Variants in SUZ12 observed in about 807,000 individuals in gnomAD.
The protein encoded by SUZ12 is polycomb protein SUZ12.
SUZ12 carries 17 observed loss-of-function variants against 87.3 expected under a neutral mutation model. The observed-to-expected ratio is 0.19, with a 90% confidence interval of 0.13 to 0.29. The LOEUF (loss-of-function observed/expected upper bound fraction) is 0.29. Ranked by LOEUF, SUZ12 falls within the 10% of genes least tolerant of loss-of-function variation. SUZ12 has a pLI of 1.00. For missense variants in SUZ12, 526 were observed against 912.2 expected, an observed-to-expected ratio of 0.58 and a Z score of 5.45; for synonymous variants, 253 against 312.4, an observed-to-expected ratio of 0.81 and a Z score of 2.01.
At chr17:31,960,351 C>T (rs968036538) in intron 4 of SUZ12, among the ~76,000 whole-genome samples, 10 of 152,080 alleles carry the variant, frequency 6.6e-5, no homozygotes, top group African/African-American at 2.2e-4. Context: ...GCTGGGATTA[C>T]AGGTGCCTGC....
intron 4 of SUZ12, among the ~76,000 whole-genome samples, chr17:31,954,009 G>T (rs188794774): frequency 2.6e-5 from 4 of 152,082 alleles, no homozygotes; most frequent in Middle Eastern, 3.4e-3. Context: ...ACCGAGCCCG[G>T]CTCATTTTTA....
At chr17:31,973,320 T>G (rs2470247) in intron 6 of SUZ12, 89 bp downstream of exon 6, 89,659 of 1,218,610 alleles carry the variant, frequency 0.074, 4,345 homozygotes, top group South Asian at 0.11. Context: ...TTTTAAAGCT[T>G]AGTTTTAAAT....
intron 4 of SUZ12, among the ~76,000 whole-genome samples, chr17:31,963,509 G>T (rs796432283): frequency 0.12 from 14,661 of 123,246 alleles, no homozygotes; most frequent in South Asian, 0.21. Flanking sequence ...GTTTTGTTTT[G>T]TTTTTTGAGA....
intron 9 of SUZ12, among the ~76,000 whole-genome samples, chr17:31,984,246 A>G (rs1909283977): frequency 6.6e-6 from 1 of 152,238 alleles, no homozygotes; most frequent in African/African-American, 2.4e-5. Context: ...AAATAGTTTG[A>G]TGTATATTTG....
rs759614726 is a variant in SUZ12, at chr17:31,940,405, T to A, written c.322-17T>A. ...CATCTGTATTCAATTTTAACATTTTTAAAACTCTTTTTGTAGCCAATATTT... is the reference window on the plus strand; with the variant it reads ...CATCTGTATTCAATTTTAACATTTTAAAAACTCTTTTTGTAGCCAATATTT... On this transcript the variant is annotated splice_polypyrimidine_tract_variant and intron_variant, in intron 2 of 15. Transcript: ENST00000322652. The A allele has an allele frequency of 1.9e-6, 3 of 1,587,492 alleles. No homozygotes were observed. The highest frequency in any genetic ancestry group is 2.6e-6 in the Non-Finnish European group (3 of 1,168,916).
chr17:31,937,057 G>C lies in SUZ12; in HGVS notation c.-190G>C, dbSNP rs1389380247. The C allele has an allele frequency of 4.1e-6, 2 of 488,988 alleles. No homozygotes were observed. The highest frequency in any genetic ancestry group is 3.4e-6 in the Non-Finnish European group (1 of 294,326). 30.3% of individuals were successfully genotyped at this position (488,988 alleles called of 1,614,324 possible). ...GGCCTCCGAAGCGGAGCGGGGCTCT[G>C]AGGAGACACTTTTTTTTTCCTCCCT... On this transcript the variant is annotated 5_prime_UTR_variant, in exon 1 of 16. Coordinates refer to ENST00000322652, the MANE Select transcript of SUZ12 (RefSeq NM_015355.4).
chr17:32,000,551 G>GTAAC lies in SUZ12; in HGVS notation c.*1551_*1552insCTAA, dbSNP rs1910204128. On this transcript the variant is annotated 3_prime_UTR_variant, in exon 16 of 16. Transcript: ENST00000322652. ...TAAGCTCTCCAAATGATGAGTTCTA[G>GTAAC]TAAACTCTGATTTTTGCCTCTGGAT... 1 of 228,548 alleles carries GTAAC rather than the reference G, an allele frequency of 4.4e-6. No homozygotes were observed. The highest frequency in any genetic ancestry group is 1.8e-4 in the South Asian group (1 of 5,472). 14.2% of individuals were successfully genotyped at this position (228,548 alleles called of 1,614,324 possible). A position where few individuals can be genotyped will look rare whatever the true frequency, so the allele number is the denominator to read the frequency against.
At position 31,993,907 on chromosome 17, in the gene SUZ12, G is replaced by T; in HGVS notation, c.1336G>T (p.Asp446Tyr). ...TACAAGGCAACAAACTGAAGCAAGA[G>T]ATGACCTGCATTGCCCTTGGTGTAC... ...NNTRQQTEAR[D>Y]DLHCPWCTLN... Residue 446 changes from aspartate (D) to tyrosine (Y), a missense_variant, in exon 12 of 16, where the codon GAT becomes TAT. Asp to Tyr is a radical substitution (Grantham distance 160). Transcript: ENST00000322652. 6.2e-7 allele frequency: 1 copy of T among 1,613,276 alleles called. No individual in the cohort carries two copies. Among genetic ancestry groups the T allele is most frequent in the South Asian group, 1.1e-5 (1 of 90,918 alleles).
chr17:31,943,986 G>A (rs900215535), intron 3 of SUZ12, among the ~76,000 whole-genome samples: 1 of 151,582 alleles, frequency 6.6e-6, no homozygotes, highest in Admixed American at 6.6e-5. Context: ...GTGAGCCACC[G>A]TGCCTGGCCA....
chr17:31,938,544 A>G (rs575608648), intron 1 of SUZ12, among the ~76,000 whole-genome samples: 1 of 152,314 alleles, frequency 6.6e-6, no homozygotes, highest in South Asian at 2.1e-4. Context: ...TTGGAACTTA[A>G]TAGAAGGAAT....
chr17:31,953,098 T>A (rs747798216), intron 4 of SUZ12, among the ~76,000 whole-genome samples: 1 of 152,150 alleles, frequency 6.6e-6, no homozygotes, highest in Non-Finnish European at 1.5e-5. Flanking sequence ...ATTAGGGTTA[T>A]TTTCAAGCAT....
intron 15 of SUZ12, among the ~76,000 whole-genome samples, chr17:31,997,411 C>G (rs548248683): frequency 6.6e-6 from 1 of 152,192 alleles, no homozygotes; most frequent in South Asian, 2.1e-4. Context: ...GCCTGTAATC[C>G]CAGTACTTTG....
At chr17:31,941,940 C>T (rs549617482) in intron 3 of SUZ12, among the ~76,000 whole-genome samples, 1 of 152,202 alleles carries the variant, frequency 6.6e-6, no homozygotes, top group African/African-American at 2.4e-5. Flanking sequence ...GCAACCTCCG[C>T]TTCCCGGGTT....
chr17:31,973,135 T>G lies in SUZ12; in HGVS notation c.506-11T>G. 1 of 1,525,828 alleles carries G rather than the reference T, an allele frequency of 6.6e-7. No homozygotes were observed. The highest frequency in any genetic ancestry group is 8.8e-7 in the Non-Finnish European group (1 of 1,136,666). 94.5% of individuals were successfully genotyped at this position (1,525,828 alleles called of 1,614,324 possible). A position where few individuals can be genotyped will look rare whatever the true frequency, so the allele number is the denominator to read the frequency against. On this transcript the variant is annotated splice_polypyrimidine_tract_variant and intron_variant, in intron 5 of 15. Coordinates refer to ENST00000322652, the MANE Select transcript of SUZ12 (RefSeq NM_015355.4). Reference sequence around the variant, plus strand: ...TTTAAATATATTTTAAAATACTGATTTTCTATTTAGATAAGCCATCACCAA... The same window carrying G: ...TTTAAATATATTTTAAAATACTGATGTTCTATTTAGATAAGCCATCACCAA...
chr17:31,985,158 CAAAAAAAA>C lies in SUZ12; in HGVS notation c.1023+2070_1023+2077del, dbSNP rs34227080. ...GGGGAAACAGAGCAAGACTCTGTCTCAAAAAAAAAAAAAAAAAAAAAAAGGTTGATACA... is the reference window on the plus strand; with the variant it reads ...GGGGAAACAGAGCAAGACTCTGTCTCAAAAAAAAAAAAAAAGGTTGATACA... On this transcript the variant is annotated intron_variant, in intron 9 of 15. Coordinates refer to ENST00000322652, the MANE Select transcript of SUZ12 (RefSeq NM_015355.4). Among the ~76,000 whole-genome samples the C allele has an allele frequency of 1.2e-4, 9 of 72,868 alleles. No homozygotes were observed. The East Asian group carries it at 1.3e-3, about 11-fold the overall frequency. 47.8% of individuals were successfully genotyped at this position (72,868 alleles called of 152,430 possible).
At chr17:31,981,193 A>C (rs142751911) in intron 8 of SUZ12, among the ~76,000 whole-genome samples, 1 of 152,194 alleles carries the variant, frequency 6.6e-6, no homozygotes, top group African/African-American at 2.4e-5. Context: ...GGGAGAAATT[A>C]TTTTCAACTT....
intron 4 of SUZ12, among the ~76,000 whole-genome samples, chr17:31,954,326 G>A (rs776934580): frequency 7.2e-5 from 11 of 152,178 alleles, no homozygotes; most frequent in Non-Finnish European, 1.3e-4. Flanking sequence ...CTCCCAAAGC[G>A]CTGGGATTGC....
intron 4 of SUZ12, among the ~76,000 whole-genome samples, chr17:31,948,754 T>C (rs1192623027): frequency 2.0e-5 from 3 of 152,202 alleles, no homozygotes; most frequent in Admixed American, 6.5e-5. Flanking sequence ...GTCTAGGCAA[T>C]CCTGACTTGT....
At chr17:31,998,078 ATTT>A (rs532761317) in intron 15 of SUZ12, among the ~76,000 whole-genome samples, 3 of 136,536 alleles carry the variant, frequency 2.2e-5, no homozygotes, top group Admixed American at 7.4e-5. Context: ...TCTCTACTAA[ATTT>A]TTTTTTTTTT....
Sources: allele counts gnomAD v4.1 joint callset (sites outside exome capture counted in the v4.1 genomes callset), GRCh38; gene constraint gnomAD v4.1.1; transcripts MANE v1.5; gene names NCBI Gene and HGNC (gene_info 2026-07-23, HGNC 2026-07-21).